The following SRA1 variants were observed in gnomAD, a reference collection of about 807,000 sequenced individuals.
SRA1 encodes lncRNA SRA.
A neutral mutation model predicts 24.3 loss-of-function variants in SRA1; 25 were observed. That is an observed-to-expected ratio of 1.03 (90% CI 0.75 to 1.43). The LOEUF (loss-of-function observed/expected upper bound fraction) is 1.43. Among genes scored for constraint, SRA1 ranks in the 40% most tolerant of loss-of-function variants. SRA1 has a pLI of 0.00. For missense variants in SRA1, 303 were observed against 286.6 expected, an observed-to-expected ratio of 1.06 and a Z score of -0.41; for synonymous variants, 104 against 109.5, an observed-to-expected ratio of 0.95 and a Z score of 0.31.
intron 2 of SRA1, among the ~76,000 whole-genome samples, chr5:140,555,405 G>C (rs1754668603): frequency 6.6e-6 from 1 of 151,878 alleles, no homozygotes; most frequent in Admixed American, 6.6e-5. Flanking sequence ...GCTAATTTTT[G>C]TATTTTTAGT....
intron 2 of SRA1, among the ~76,000 whole-genome samples, chr5:140,556,715 G>C (rs1232753535): frequency 6.6e-6 from 1 of 150,784 alleles, no homozygotes; most frequent in Non-Finnish European, 1.5e-5. Context: ...CCCTCAAACA[G>C]TGCCTGACTT....
At chr5:140,551,940 T>C (rs778407987) in intron 3 of SRA1, 42 bp downstream of exon 3, 2 of 1,573,378 alleles carry the variant, frequency 1.3e-6, no homozygotes, top group Non-Finnish European at 8.7e-7. Context: ...CATTTGGCTG[T>C]GGATGGGAGC....
chr5:140,557,382 A>G lies in SRA1; in HGVS notation c.25+46T>C, dbSNP rs555692551. 4 of 1,601,854 alleles carry G rather than the reference A, an allele frequency of 2.5e-6. No individual in the cohort carries two copies. In the South Asian group the frequency reaches 4.4e-5, roughly 18 times the overall value. On this transcript the variant is annotated intron_variant, in intron 1 of 4. Coordinates refer to ENST00000336283, the MANE Select transcript of SRA1 (RefSeq NM_001035235.4). ...TAAGCGCCGCAACCGCCCCCAGCCTAGGCCGGGGCGACAACCTAGTGCCCT... is the reference window on the plus strand; with the variant it reads ...TAAGCGCCGCAACCGCCCCCAGCCTGGGCCGGGGCGACAACCTAGTGCCCT...
At chr5:140,557,723 G>A (rs1465067287), upstream of SRA1, 2 of 552,652 alleles carry the variant, frequency 3.6e-6, no homozygotes, top group East Asian at 3.2e-5. Context: ...CATCCTCTCA[G>A]GAGCAAATTC....
chr5:140,552,044 C>A lies in SRA1; in HGVS notation c.292G>T (p.Val98Leu). The change falls in exon 3 of 5, where the codon GTG becomes TTG. Residue 98 changes from valine to leucine, a missense_variant. Coordinates refer to ENST00000336283, the MANE Select transcript of SRA1 (RefSeq NM_001035235.4). ...AAAGGTCTCAGCACATCCTCCATCA[C>A]AGCCTCAGACTCGACTGGGAAACTT... ...PTSFPVESEA[V>L]MEDVLRPLEQ... 1 of 1,612,770 alleles carries A rather than the reference C, an allele frequency of 6.2e-7. No individual in the cohort carries two copies. Among genetic ancestry groups the A allele is most frequent in the Non-Finnish European group, 8.5e-7 (1 of 1,179,350 alleles).
chr5:140,550,637 C>A lies in SRA1; in HGVS notation c.*63G>T. The A allele has an allele frequency of 6.5e-7, 1 of 1,528,632 alleles. No homozygotes were observed. The highest frequency in any genetic ancestry group is 1.1e-5 in the South Asian group (1 of 88,728). The allele number at this position is 1,528,632 out of a possible 1,614,324, so 94.7% of individuals were successfully genotyped here. ...AGTCTTGGTGGTGGTAAGAAGGGAG[C>A]CAAGTGACAGAAGGTCTCCAAGGCA... is the stretch of plus-strand genomic sequence containing the variant. On this transcript the variant is annotated 3_prime_UTR_variant, in exon 5 of 5. Coordinates refer to ENST00000336283, the MANE Select transcript of SRA1 (RefSeq NM_001035235.4).
intron 2 of SRA1, among the ~76,000 whole-genome samples, chr5:140,554,763 ACTCT>A (rs750111613): frequency 7.9e-5 from 12 of 151,476 alleles, no homozygotes; most frequent in African/African-American, 1.2e-4. Flanking sequence ...CTTTATAGTC[ACTCT>A]CTCTACTTTT....
At chr5:140,551,254 C>G in intron 3 of SRA1, 85 bp from the exon 4 acceptor site, 1 of 1,003,064 alleles carries the variant, frequency 1.0e-6, no homozygotes, top group Non-Finnish European at 1.5e-6. Context: ...ATAGGAAGCA[C>G]CTGCTTTCTC....
chr5:140,551,863 C>T lies in SRA1; in HGVS notation c.354+119G>A, dbSNP rs1404866770. On this transcript the variant is annotated intron_variant, in intron 3 of 4. Coordinates refer to ENST00000336283, the MANE Select transcript of SRA1 (RefSeq NM_001035235.4). ...GGCCTTAGCAGATTCTGAAGGAGTCCGTAACTCTCAAAGGATTAAGAACCT... is the reference window on the plus strand; with the variant it reads ...GGCCTTAGCAGATTCTGAAGGAGTCTGTAACTCTCAAAGGATTAAGAACCT... 13 of 855,234 alleles carry T rather than the reference C, an allele frequency of 1.5e-5. 1 individual carries two copies. Among genetic ancestry groups the T allele is most frequent in the South Asian group, 1.2e-4 (7 of 56,210 alleles). 53.0% of individuals were successfully genotyped at this position (855,234 alleles called of 1,614,324 possible). A position where few individuals can be genotyped will look rare whatever the true frequency, so the allele number is the denominator to read the frequency against.
upstream of SRA1, chr5:140,557,630 G>T (rs139343574): frequency 1.9e-5 from 13 of 690,716 alleles, no homozygotes; most frequent in African/African-American, 1.1e-4. Flanking sequence ...AGACTCGAAG[G>T]CTCCATCTAA....
chr5:140,552,057 G>C lies in SRA1; in HGVS notation c.279C>G (p.Val93=), dbSNP rs147164252. 1.2e-6 allele frequency: 2 copies of C among 1,613,650 alleles called. No homozygotes were observed. The highest frequency in any genetic ancestry group is 1.7e-6 in the Non-Finnish European group (2 of 1,179,860). Residue 93 remains valine (V), a synonymous_variant, in exon 3 of 5, where the codon GTC becomes GTG. Coordinates refer to ENST00000336283, the MANE Select transcript of SRA1 (RefSeq NM_001035235.4). ...ASGVEPTSFP[V]ESEAVMEDVL... is the part of the protein sequence containing the mutation. ...CATCCTCCATCACAGCCTCAGACTC[G>C]ACTGGGAAACTTGTGGGCTCCACGC...
At chr5:140,556,277 C>CT (rs1172284977) in intron 2 of SRA1, among the ~76,000 whole-genome samples, 2 of 151,858 alleles carry the variant, frequency 1.3e-5, no homozygotes, top group African/African-American at 4.8e-5. Flanking sequence ...ACCTGAGCCC[C>CT]TTTATGGGGG....
chr5:140,552,263 G>A, intron 2 of SRA1, 79 bp from the exon 3 acceptor site: 1 of 1,099,770 alleles, frequency 9.1e-7, no homozygotes, highest in Non-Finnish European at 1.3e-6. Context: ...CTTCTAAGAA[G>A]GGCTACTCTC....
At chr5:140,555,682 A>G (rs1484878576) in intron 2 of SRA1, among the ~76,000 whole-genome samples, 1 of 152,030 alleles carries the variant, frequency 6.6e-6, no homozygotes, top group Admixed American at 6.5e-5. Flanking sequence ...TTATTTCTCT[A>G]ATTCTGGCCT....
chr5:140,550,609 G>T lies in SRA1; in HGVS notation c.*91C>A. ...CTCATAGGTGGGTCAGGCCCAGTGGGACAGTCTTGGTGGTGGTAAGAAGGG... is the reference window on the plus strand; with the variant it reads ...CTCATAGGTGGGTCAGGCCCAGTGGTACAGTCTTGGTGGTGGTAAGAAGGG... On this transcript the variant is annotated 3_prime_UTR_variant, in exon 5 of 5. Coordinates refer to ENST00000336283, the MANE Select transcript of SRA1 (RefSeq NM_001035235.4). 2 of 1,300,518 alleles carry T rather than the reference G, an allele frequency of 1.5e-6. No individual in the cohort carries two copies. Among genetic ancestry groups the T allele is most frequent in the South Asian group, 1.2e-5 (1 of 81,906 alleles). 80.6% of individuals were successfully genotyped at this position (1,300,518 alleles called of 1,614,324 possible).
At position 140,553,448 on chromosome 5, in the gene SRA1, G is replaced by C. The variant is rs1292332731; in HGVS notation, c.152-1264C>G. On this transcript the variant is annotated intron_variant, in intron 2 of 4. Coordinates refer to ENST00000336283, the MANE Select transcript of SRA1 (RefSeq NM_001035235.4). ...AGGAACATGTACTAGGTCGAGGTTA[G>C]AGCAGTGCCCAAGAAGCAGGAAAAC... 2.6e-5 allele frequency among the ~76,000 whole-genome samples: 4 copies of C among 152,322 alleles called. No homozygotes were observed. In the East Asian group the frequency reaches 7.7e-4, roughly 29 times the overall value.
intron 2 of SRA1, among the ~76,000 whole-genome samples, chr5:140,555,044 A>G (rs1387001410): frequency 6.6e-6 from 1 of 150,600 alleles, no homozygotes; most frequent in Non-Finnish European, 1.5e-5. Flanking sequence ...ACACCTGGCT[A>G]TTTTTTGTAT....
At chr5:140,552,253 C>T (rs1754586017) in intron 2 of SRA1, 69 bp from the exon 3 acceptor site, 1 of 1,225,292 alleles carries the variant, frequency 8.2e-7, no homozygotes, top group South Asian at 1.6e-5. Context: ...AAATTCACCC[C>T]TTCTAAGAAG....
chr5:140,557,509 C>G (rs779070092), upstream of SRA1: 2 of 1,534,206 alleles, frequency 1.3e-6, no homozygotes, highest in South Asian at 2.4e-5. Context: ...GCCCCTCACG[C>G]GGGCCAGTTG....
Sources: allele counts gnomAD v4.1 joint callset (sites outside exome capture counted in the v4.1 genomes callset), GRCh38; gene constraint gnomAD v4.1.1; transcripts MANE v1.5; gene names NCBI Gene and HGNC (gene_info 2026-07-23, HGNC 2026-07-21).